The following DGKH variants were observed in gnomAD, a reference collection of about 807,000 sequenced individuals.
DGKH encodes DAG kinase eta.
Under a neutral mutation model 159.3 loss-of-function variants are expected in DGKH, and 90 were observed. The ratio of observed to expected loss-of-function variants is 0.57; its 90% confidence interval spans 0.48 to 0.67. The LOEUF is 0.67. Among genes scored for constraint, DGKH ranks in the 30% least tolerant of loss-of-function variants. The pLI, the probability that DGKH is intolerant of heterozygous loss-of-function variation, is 0.00. For missense variants in DGKH, 1,181 were observed against 1,506.1 expected, an observed-to-expected ratio of 0.78 and a Z score of 3.57; for synonymous variants, 536 against 553.8, an observed-to-expected ratio of 0.97 and a Z score of 0.45.
In DGKH at chr13:42,236,143, A is replaced by G. The variant is rs146538621; in HGVS notation, c.*6955A>G. The G allele has an allele frequency of 1.4e-3, 212 of 152,336 alleles. 1 individual carries two copies. Among genetic ancestry groups the G allele is most frequent in the African/African-American group, 4.8e-3 (199 of 41,580 alleles). The allele number at this position is 152,336 out of a possible 1,614,324, so 9.4% of individuals were successfully genotyped here. ...GTCAGTAACAGACAGTATTACTTGT[A>G]ATCATCAAAAGAAGGTTTCCACAAG... On this transcript the variant is annotated 3_prime_UTR_variant, in exon 30 of 30. Transcript: ENST00000337343.
At chr13:42,068,377 G>C (rs1183778571) in intron 1 of DGKH, among the ~76,000 whole-genome samples, 1 of 152,108 alleles carries the variant, frequency 6.6e-6, no homozygotes, top group Non-Finnish European at 1.5e-5. Context: ...ATACACACTG[G>C]CTAAATAGAA....
Position 42,233,771 on chromosome 13 carries a change from C to G in DGKH, c.*4583C>G, listed in dbSNP as rs1356908215. On this transcript the variant is annotated 3_prime_UTR_variant, in exon 30 of 30. Transcript: ENST00000337343. ...GACATGTGGCATGTTCATTTGTTCA[C>G]AACTTAATCACGGGGGACATTTCAG... The G allele has an allele frequency of 2.0e-5, 3 of 152,228 alleles. No individual in the cohort carries two copies. Among genetic ancestry groups the G allele is most frequent in the Admixed American group, 2.0e-4 (3 of 15,286 alleles). 9.4% of individuals were successfully genotyped at this position (152,228 alleles called of 1,614,324 possible).
intron 20 of DGKH, among the ~76,000 whole-genome samples, chr13:42,200,648 A>G (rs1957326434): frequency 6.6e-6 from 1 of 152,234 alleles, no homozygotes; most frequent in South Asian, 2.1e-4. Flanking sequence ...CTACAGCTCA[A>G]CAAAATAAAT....
In DGKH at chr13:42,235,843, TTAAGTGAGATAA is replaced by T. The variant is rs1490984888; in HGVS notation, c.*6656_*6667del. On this transcript the variant is annotated 3_prime_UTR_variant, in exon 30 of 30. Transcript: ENST00000337343. Reference sequence around the variant, plus strand: ...GTTGTATCGAATGTTTTTCTTCCTCTTAAGTGAGATAAATCTCACTTTTATGTTAAAATGTCT... The same window carrying T: ...GTTGTATCGAATGTTTTTCTTCCTCTATCTCACTTTTATGTTAAAATGTCT... 6.6e-6 allele frequency: 1 copy of T among 152,190 alleles called. No homozygotes were observed. The highest frequency in any genetic ancestry group is 1.5e-5 in the Non-Finnish European group (1 of 68,008). 9.4% of individuals were successfully genotyped at this position (152,190 alleles called of 1,614,324 possible).
intron 1 of DGKH, among the ~76,000 whole-genome samples, chr13:42,050,867 G>GCAAA (rs200523912): frequency 2.6e-5 from 4 of 152,034 alleles, no homozygotes; most frequent in East Asian, 1.9e-4. Context: ...AAACAAACAA[G>GCAAA]CAAACAAACA....
chr13:42,170,375 T>C (rs1185836564), intron 11 of DGKH, among the ~76,000 whole-genome samples: 1 of 152,058 alleles, frequency 6.6e-6, no homozygotes, highest in Non-Finnish European at 1.5e-5. Flanking sequence ...ATTGCACCAC[T>C]GCCCTACAAT....
chr13:42,186,529 A>G (rs1956932349), intron 13 of DGKH, among the ~76,000 whole-genome samples: 1 of 152,230 alleles, frequency 6.6e-6, no homozygotes, highest in African/African-American at 2.4e-5. Context: ...AAATGAATAG[A>G]TTTACAGAGA....
chr13:42,255,139 G>A (rs1027645866), intron 30 of DGKH, among the ~76,000 whole-genome samples: 3 of 150,154 alleles, frequency 2.0e-5, no homozygotes, highest in Admixed American at 6.7e-5. Context: ...TTAGACTGTG[G>A]TAGTCTCAAT....
chr13:42,061,907 C>A (rs1214480868), intron 1 of DGKH, among the ~76,000 whole-genome samples: 2 of 151,708 alleles, frequency 1.3e-5, no homozygotes, highest in Non-Finnish European at 1.5e-5. Context: ...AGACACAGTT[C>A]TATCATATAG....
chr13:42,061,988 G>GGTGGGTGTGTGT (rs1555256127), intron 1 of DGKH, among the ~76,000 whole-genome samples: 8 of 149,678 alleles, frequency 5.3e-5, no homozygotes, highest in South Asian at 4.3e-4. Context: ...TGTGTGTGTG[G>GGTGGGTGTGTGT]GTGTGTGTGT....
At chr13:42,212,234 G>A (rs1473974381) in intron 24 of DGKH, among the ~76,000 whole-genome samples, 1 of 152,150 alleles carries the variant, frequency 6.6e-6, no homozygotes, top group South Asian at 2.1e-4. Context: ...TAACTAGACT[G>A]TGTGAGATGT....
intron 1 of DGKH, chr13:42,071,103 C>T: frequency 1.1e-6 from 1 of 925,954 alleles, no homozygotes; most frequent in Non-Finnish European, 1.6e-6. Context: ...CTTTGAAACC[C>T]TTATGATTGC....
chr13:42,190,178 T>A (rs67192248), intron 15 of DGKH, among the ~76,000 whole-genome samples: 1 of 152,148 alleles, frequency 6.6e-6, no homozygotes, highest in East Asian at 1.9e-4. Context: ...TCTAAAATTC[T>A]TATACTTTAC....
chr13:42,081,679 CTGTTTTCT>C (rs1954203327), intron 1 of DGKH, among the ~76,000 whole-genome samples: 2 of 152,236 alleles, frequency 1.3e-5, no homozygotes, highest in African/African-American at 4.8e-5. Context: ...CCACCTCAGG[CTGTTTTCT>C]CAATTCTTCT....
chr13:42,203,628 A>G (rs78766358), intron 20 of DGKH, among the ~76,000 whole-genome samples: 17,240 of 152,244 alleles, frequency 0.11, 1,227 homozygotes, highest in Non-Finnish European at 0.16. Flanking sequence ...ATATAGCTGC[A>G]GTTTTGTAGC....
intron 1 of DGKH, among the ~76,000 whole-genome samples, chr13:42,106,945 G>A (rs952542348): frequency 6.6e-5 from 10 of 152,146 alleles, no homozygotes; most frequent in Non-Finnish European, 1.3e-4. Context: ...TCGGAAGGTT[G>A]AGGCAGGAGA....
rs1449042635 is a variant in DGKH at position 42,240,107 on chromosome 13, T to G, written c.*10919T>G. ...TCCACTGAACTTCTCTCTCCCCCTT[T>G]GTATTCTCAGTGTCTAGCTACACAT... On this transcript the variant is annotated 3_prime_UTR_variant, in exon 30 of 30. Transcript: ENST00000337343. The G allele has an allele frequency of 6.6e-6, 1 of 152,226 alleles. No individual in the cohort carries two copies. The highest frequency in any genetic ancestry group is 2.4e-5 in the African/African-American group (1 of 41,462). 9.4% of individuals were successfully genotyped at this position (152,226 alleles called of 1,614,324 possible).
At chr13:42,142,600 G>A (rs1042174814) in intron 3 of DGKH, among the ~76,000 whole-genome samples, 15 of 151,920 alleles carry the variant, frequency 9.9e-5, no homozygotes, top group Non-Finnish European at 1.8e-4. Context: ...TCTCCTTGAA[G>A]AGGTCCTTCA....
At chr13:42,056,318 T>A (rs1053211626) in intron 1 of DGKH, among the ~76,000 whole-genome samples, 1 of 152,198 alleles carries the variant, frequency 6.6e-6, no homozygotes, top group Admixed American at 6.5e-5. Context: ...CTGTTTTATA[T>A]GAGGAAGTAC....
Sources: gnomAD v4.1 joint callset for allele counts (sites outside exome capture counted in the v4.1 genomes callset) on GRCh38, gnomAD v4.1.1 for gene constraint, MANE v1.5 for transcripts, NCBI Gene and HGNC (gene_info 2026-07-23, HGNC 2026-07-21) for gene names.